The following ABLIM3 variants were observed in gnomAD, a reference collection of about 807,000 sequenced individuals.
ABLIM3 encodes the protein actin binding LIM protein family member 3, also known as actin-binding LIM protein 3.
In ABLIM3, 61 loss-of-function variants were observed where a neutral mutation model predicts 109.5. The ratio of observed to expected loss-of-function variants is 0.56; its 90% CI spans 0.45 to 0.69. ABLIM3 has a LOEUF of 0.69. Ranked by LOEUF, ABLIM3 falls within the 30% of genes least tolerant of loss-of-function variation. The pLI, the probability that ABLIM3 is intolerant of heterozygous loss-of-function variation, is 0.00. For synonymous variants in ABLIM3, 300 were observed against 324.8 expected (o/e 0.92, Z 0.82); for missense variants, 796 against 889.5 (o/e 0.89, Z 1.34).
At chr5:149,182,010 T>C (rs990641861) in intron 2 of ABLIM3, among the ~76,000 whole-genome samples, 3 of 152,142 alleles carry the variant, frequency 2.0e-5, no homozygotes, top group Non-Finnish European at 4.4e-5. Flanking sequence ...GGCTTCCAAT[T>C]GGAAGGGACA....
chr5:149,188,351 T>A (rs145816240), intron 3 of ABLIM3, among the ~76,000 whole-genome samples: 117 of 152,328 alleles, frequency 7.7e-4, no homozygotes, highest in Middle Eastern at 3.4e-3. Context: ...CAATTATATT[T>A]CTATACCATA....
intron 3 of ABLIM3, among the ~76,000 whole-genome samples, chr5:149,183,974 T>G (rs1380443528): frequency 1.4e-5 from 2 of 146,788 alleles, no homozygotes; most frequent in African/African-American, 5.0e-5. Context: ...TTTTTTGGTT[T>G]TTTTTTTTTT....
At chr5:149,221,484 A>T (rs961849524) in intron 8 of ABLIM3, among the ~76,000 whole-genome samples, 39 of 152,142 alleles carry the variant, frequency 2.6e-4, no homozygotes, top group Non-Finnish European at 1.0e-4. Flanking sequence ...TTGCTATGTG[A>T]TGGCTTTCTG....
At chr5:149,204,135 T>G (rs980791312) in intron 5 of ABLIM3, among the ~76,000 whole-genome samples, 1 of 152,182 alleles carries the variant, frequency 6.6e-6, no homozygotes, top group Non-Finnish European at 1.5e-5. Context: ...TTAAATAGAA[T>G]GAATGACACA....
chr5:149,162,898 G>A (rs1754505108), intron 2 of ABLIM3, among the ~76,000 whole-genome samples: 1 of 152,224 alleles, frequency 6.6e-6, no homozygotes, highest in South Asian at 2.1e-4. Flanking sequence ...TAACCCAGCT[G>A]AACAGGAAGC....
At chr5:149,183,351 C>T in intron 2 of ABLIM3, 101 bp from the exon 3 acceptor site, 1 of 1,351,682 alleles carries the variant, frequency 7.4e-7, no homozygotes, top group Middle Eastern at 1.9e-4. Flanking sequence ...CATTTCTTCC[C>T]CTTCCACTTT....
Position 149,239,818 on chromosome 5 carries a change from C to T in ABLIM3, c.1134C>T (p.Asp378=). The T allele has an allele frequency of 6.2e-7, 1 of 1,610,834 alleles. No homozygotes were observed. Among genetic ancestry groups the T allele is most frequent in the Non-Finnish European group, 8.5e-7 (1 of 1,178,488 alleles). The change falls in exon 13 of 24, where the codon GAC becomes GAT. Residue 378 remains aspartate, a synonymous_variant. Coordinates refer to ENST00000309868, the MANE Select transcript of ABLIM3 (RefSeq NM_014945.5). ...GGGCCTCCAGCCCGGGGTACATAGACTCCCCCACCTACAGCCGGCAGGGCA... is the reference window on the plus strand; with the variant it reads ...GGGCCTCCAGCCCGGGGTACATAGATTCCCCCACCTACAGCCGGCAGGGCA... The part of the protein sequence containing the change: ...QRRASSPGYI[D]SPTYSRQGMS...
chr5:149,250,232 C>A (rs1324687818), intron 19 of ABLIM3, among the ~76,000 whole-genome samples: 1 of 152,052 alleles, frequency 6.6e-6, no homozygotes, highest in Non-Finnish European at 1.5e-5. Context: ...TGAGTGGGTG[C>A]CTTGGGCAGG....
chr5:149,145,214 C>A (rs1367994940), intron 2 of ABLIM3, among the ~76,000 whole-genome samples: 1 of 152,120 alleles, frequency 6.6e-6, no homozygotes, highest in South Asian at 2.1e-4. Context: ...TAATGTTTAG[C>A]TCCCACTTAT....
In ABLIM3 at chr5:149,252,221, C is replaced by T; in HGVS notation, c.1857+13C>T. ...TGCAGAGTACAAGGTAAAGGATGTG[C>T]ATAGACCCTGGGGGTCTCCAGGATT... On this transcript the variant is annotated intron_variant, in intron 22 of 23. Coordinates refer to ENST00000309868, the MANE Select transcript of ABLIM3 (RefSeq NM_014945.5). The T allele has an allele frequency of 6.2e-7, 1 of 1,613,220 alleles. No homozygotes were observed. The highest frequency in any genetic ancestry group is 8.5e-7 in the Non-Finnish European group (1 of 1,179,606).
chr5:149,199,587 A>G (rs951355736), intron 4 of ABLIM3, among the ~76,000 whole-genome samples: 12 of 152,150 alleles, frequency 7.9e-5, no homozygotes, highest in African/African-American at 2.9e-4. Context: ...CCACGATAAG[A>G]ACATAGCTCC....
At chr5:149,250,548 A>G in intron 20 of ABLIM3, 43 bp downstream of exon 20, 1 of 1,606,936 alleles carries the variant, frequency 6.2e-7, no homozygotes, top group Middle Eastern at 1.7e-4. Flanking sequence ...GTTGTCCCCA[A>G]AATGCTAATA....
chr5:149,246,588 A>G lies in ABLIM3; in HGVS notation c.1551+42A>G, dbSNP rs1561633391. ...GCACTGAATATGATGCTTAGAGCGT[A>G]TATCACTGAGGGTCTTTTCATTTAC... is the stretch of plus-strand genomic sequence containing the variant. On this transcript the variant is annotated intron_variant, in intron 17 of 23. Coordinates refer to ENST00000309868, the MANE Select transcript of ABLIM3 (RefSeq NM_014945.5). The G allele has an allele frequency of 9.4e-6, 15 of 1,594,286 alleles. No homozygotes were observed. The East Asian group carries it at 3.1e-4, about 33-fold the overall frequency.
chr5:149,200,546 T>G lies in ABLIM3; in HGVS notation c.448+118T>G, dbSNP rs1045596892. 7.3e-6 allele frequency: 7 copies of G among 963,626 alleles called. No individual in the cohort carries two copies. The African/African-American group carries it at 1.1e-4, about 16-fold the overall frequency. The allele number at this position is 963,626 out of a possible 1,614,324, so 59.7% of individuals were successfully genotyped here. ...AGGGAAGTGGGAGAGGTTCCCAACCTGGAGGCCTCCTGCATCATGACCCCA... is the reference window on the plus strand; with the variant it reads ...AGGGAAGTGGGAGAGGTTCCCAACCGGGAGGCCTCCTGCATCATGACCCCA... On this transcript the variant is annotated intron_variant, in intron 5 of 23. Transcript: ENST00000309868.
At chr5:149,218,627 G>A (rs916744506) in intron 8 of ABLIM3, 1 of 152,260 alleles carries the variant, frequency 6.6e-6, no homozygotes, top group African/African-American at 2.4e-5. Context: ...TGGGCCTTGT[G>A]GAGAGACTTT....
intron 14 of ABLIM3, 128 bp from the exon 15 acceptor site, chr5:149,242,363 C>A (rs1042188589): frequency 2.3e-6 from 2 of 852,680 alleles, no homozygotes; most frequent in African/African-American, 1.7e-5. Context: ...AGATGGTGGC[C>A]CCTTGGAAAA....
At chr5:149,146,426 T>C (rs1276769553) in intron 2 of ABLIM3, among the ~76,000 whole-genome samples, 1 of 152,202 alleles carries the variant, frequency 6.6e-6, no homozygotes, top group Non-Finnish European at 1.5e-5. Context: ...TAGGTTTTCT[T>C]CTAGAATTCT....
chr5:149,255,763 G>A (rs1754372353), intron 23 of ABLIM3, among the ~76,000 whole-genome samples: 1 of 152,168 alleles, frequency 6.6e-6, no homozygotes, highest in African/African-American at 2.4e-5. Context: ...ACAAAGATGA[G>A]GAGGAGAAGA....
intron 17 of ABLIM3, 87 bp from the exon 18 acceptor site, chr5:149,247,695 T>C: frequency 6.4e-7 from 1 of 1,550,862 alleles, no homozygotes; most frequent in Non-Finnish European, 8.9e-7. Flanking sequence ...CTATGGAGGA[T>C]GTGATCCTCA....
Sources: gnomAD v4.1 joint callset for allele counts (sites outside exome capture counted in the v4.1 genomes callset) on GRCh38, gnomAD v4.1.1 for gene constraint, MANE v1.5 for transcripts, NCBI Gene and HGNC (gene_info 2026-07-23, HGNC 2026-07-21) for gene names.